Variants in LAMA2 observed in about 807,000 individuals in gnomAD.
LAMA2 encodes laminin subunit alpha-2.
A neutral mutation model predicts 364.8 loss-of-function variants in LAMA2; 269 were observed. The observed-to-expected ratio is 0.74, with a 90% CI of 0.67 to 0.82. The LOEUF is 0.82. Among genes scored for constraint, LAMA2 ranks in the 40% least tolerant of loss-of-function variants. The pLI, the probability that LAMA2 is intolerant of heterozygous loss-of-function variation, is 0.00. For synonymous variants in LAMA2, 1,379 were observed against 1,370.6 expected, an observed-to-expected ratio of 1.01 and a Z score of -0.14; for missense variants, 3,807 against 3,873.2, an observed-to-expected ratio of 0.98 and a Z score of 0.45.
chr6:129,061,654 G>T (rs1788925173), intron 3 of LAMA2, among the ~76,000 whole-genome samples: 1 of 152,136 alleles, frequency 6.6e-6, no homozygotes, highest in Non-Finnish European at 1.5e-5. Flanking sequence ...GAATTATGTG[G>T]ATTTGTCGTT....
intron 12 of LAMA2, among the ~76,000 whole-genome samples, chr6:129,230,226 T>G (rs1044572519): frequency 6.6e-6 from 1 of 152,122 alleles, no homozygotes; most frequent in African/African-American, 2.4e-5. Flanking sequence ...TTGAAAGTCA[T>G]TTGAATGAAT....
Position 129,425,614 on chromosome 6 carries a change from A to T in LAMA2, c.5866-2138A>T, listed in dbSNP as rs576723747. 4.0e-5 allele frequency among the ~76,000 whole-genome samples: 6 copies of T among 151,882 alleles called. No homozygotes were observed. The East Asian group carries it at 1.2e-3, about 29-fold the overall frequency. ...GCTACCCTCAAGTAGGCCTCGGTGT[A>T]TGTTGTTCTCCCCTTTGTGTCCATA... On this transcript the variant is annotated intron_variant, in intron 40 of 64. Coordinates refer to ENST00000421865, the MANE Select transcript of LAMA2 (RefSeq NM_000426.4).
chr6:129,085,043 C>T (rs963787389), intron 3 of LAMA2, among the ~76,000 whole-genome samples: 2 of 152,064 alleles, frequency 1.3e-5, no homozygotes, highest in East Asian at 3.9e-4. Flanking sequence ...AGACAGACTG[C>T]CCAGGAAGCC....
chr6:129,242,882 TAAAGG>T (rs930644787), intron 12 of LAMA2, among the ~76,000 whole-genome samples: 1 of 152,094 alleles, frequency 6.6e-6, no homozygotes, highest in African/African-American at 2.4e-5. Context: ...TCAGAAAACT[TAAAGG>T]AAACATTAAA....
In LAMA2 at chr6:129,308,559, AT is replaced by A. The variant is rs200329221; in HGVS notation, c.3175-4296del. Among the ~76,000 whole-genome samples the A allele has an allele frequency of 9.1e-3, 1,388 of 152,232 alleles. 16 individuals are homozygous for A. Among genetic ancestry groups the A allele is most frequent in the African/African-American group, 0.026 (1,077 of 41,538 alleles). ...TACTCTGTTGACTAAAGTTGACTGA[AT>A]TTTTTGATTACTTTAAAATCACCAT... On this transcript the variant is annotated intron_variant, in intron 22 of 64. Transcript: ENST00000421865.
intron 1 of LAMA2, among the ~76,000 whole-genome samples, chr6:129,025,146 G>T (rs1192871783): frequency 6.6e-6 from 1 of 152,006 alleles, no homozygotes; most frequent in Non-Finnish European, 1.5e-5. Context: ...AATTTAGTTT[G>T]AATCACTGGG....
intron 20 of LAMA2, 51 bp downstream of exon 20, chr6:129,291,771 C>A: frequency 8.1e-7 from 1 of 1,228,690 alleles, no homozygotes; most frequent in Non-Finnish European, 1.2e-6. Context: ...CAGATTTTCA[C>A]TGGCTTTTCA....
At chr6:129,347,280 G>A (rs879683989) in intron 30 of LAMA2, among the ~76,000 whole-genome samples, 4 of 152,148 alleles carry the variant, frequency 2.6e-5, no homozygotes, top group Non-Finnish European at 5.9e-5. Context: ...TGTTGACTGG[G>A]ATGGGGAAAA....
rs1780734573 is a variant in LAMA2, at chr6:128,950,358, C to A, written c.112+67001C>A. ...GAAAAGTGAGTAGTCTGGAAAGGGT[C>A]ATTATTTCAGAAGCAACATACCAAG... On this transcript the variant is annotated intron_variant, in intron 1 of 64. Coordinates refer to ENST00000421865, the MANE Select transcript of LAMA2 (RefSeq NM_000426.4). Among the ~76,000 whole-genome samples, 7 of 152,144 alleles carry A rather than the reference C, an allele frequency of 4.6e-5. 1 individual carries two copies. The South Asian group carries it at 1.5e-3, about 32-fold the overall frequency.
chr6:128,902,358 G>T (rs1286814518), intron 1 of LAMA2, among the ~76,000 whole-genome samples: 1 of 152,102 alleles, frequency 6.6e-6, no homozygotes, highest in Non-Finnish European at 1.5e-5. Flanking sequence ...AGTTCTTAGA[G>T]AATTCAATCA....
chr6:129,219,840 A>AG (rs1423900936), intron 12 of LAMA2, among the ~76,000 whole-genome samples: 2 of 7,238 alleles, frequency 2.8e-4, no homozygotes, highest in African/African-American at 6.5e-4. Context: ...GGTGGGGGGG[A>AG]GGGGGGAGAG....
intron 30 of LAMA2, among the ~76,000 whole-genome samples, chr6:129,348,552 CTT>C (rs893490173): frequency 7.0e-6 from 1 of 143,664 alleles, no homozygotes; most frequent in African/African-American, 2.5e-5. Flanking sequence ...CTTGTGGAGT[CTT>C]TTTTTTTTTA....
At chr6:129,458,236 C>T (rs1783069280) in intron 48 of LAMA2, among the ~76,000 whole-genome samples, 1 of 151,994 alleles carries the variant, frequency 6.6e-6, no homozygotes, top group South Asian at 2.1e-4. Flanking sequence ...ACACACACTA[C>T]CATAGAGTGT....
chr6:129,492,244 G>A (rs901606474), intron 57 of LAMA2, 71 bp from the exon 58 acceptor site: 46 of 1,517,712 alleles, frequency 3.0e-5, no homozygotes, highest in South Asian at 4.5e-5. Context: ...AAAGGCATGC[G>A]GGGATTGGGC....
chr6:129,418,252 C>A (rs1422745175), intron 40 of LAMA2, among the ~76,000 whole-genome samples: 2 of 152,054 alleles, frequency 1.3e-5, no homozygotes, highest in African/African-American at 4.8e-5. Context: ...AATAGATCCC[C>A]TCTCCCCAGG....
At chr6:129,338,901 C>T (rs867281316) in intron 29 of LAMA2, among the ~76,000 whole-genome samples, 26 of 139,488 alleles carry the variant, frequency 1.9e-4, no homozygotes, top group African/African-American at 4.9e-4. Context: ...CATGTGGCTA[C>T]GGCATTATAT....
In LAMA2 at chr6:129,383,158, C is replaced by G; in HGVS notation, c.4996C>G (p.Gln1666Glu). 5 of 1,613,878 alleles carry G rather than the reference C, an allele frequency of 3.1e-6. No homozygotes were observed. Among genetic ancestry groups the G allele is most frequent in the Non-Finnish European group, 4.2e-6 (5 of 1,179,922 alleles). Residue 1666 changes from glutamine to glutamate, a missense_variant, in exon 35 of 65, where the codon CAG (glutamine) becomes GAG (glutamate). Around this residue, in one of 3 missense-constraint regions of LAMA2, gnomAD observed 3,333 missense variants for 3,345.7 expected, o/e 1.00. Transcript: ENST00000421865. ...KVTADGEQTG[Q>E]DAERTNTRAK... Reference sequence around the variant, plus strand: ...GACAGCAGATGGCGAGCAGACCGGACAGGATGCTGAGAGGACCAACACAAG... The same window carrying G: ...GACAGCAGATGGCGAGCAGACCGGAGAGGATGCTGAGAGGACCAACACAAG...
intron 57 of LAMA2, 80 bp downstream of exon 57, chr6:129,492,157 T>A: frequency 7.0e-7 from 1 of 1,420,558 alleles, no homozygotes; most frequent in Non-Finnish European, 1.0e-6. Flanking sequence ...ATCTACATTG[T>A]CTACAGCTAT....
At chr6:129,480,217 A>G (rs1039463224) in intron 54 of LAMA2, among the ~76,000 whole-genome samples, 4 of 152,200 alleles carry the variant, frequency 2.6e-5, no homozygotes, top group African/African-American at 9.7e-5. Flanking sequence ...ACATTTTACC[A>G]GCTCTTGTGT....
Sources: gnomAD v4.1 joint callset for allele counts (sites outside exome capture counted in the v4.1 genomes callset) on GRCh38, gnomAD v4.1.1 for gene constraint, gnomAD v4.1.1 regional missense constraint, MANE v1.5 for transcripts, NCBI Gene and HGNC (gene_info 2026-07-23, HGNC 2026-07-21) for gene names.